PARD3: variants seen among roughly 807,000 people sequenced by gnomAD.
The protein encoded by PARD3 is par-3 family cell polarity regulator, also known as partitioning defective 3 homolog.
In PARD3, 75 loss-of-function variants were observed where a neutral mutation model predicts 155.4. That is an observed-to-expected ratio of 0.48 (90% CI 0.40 to 0.58). PARD3 has a LOEUF of 0.58. PARD3 is among the 20% of genes least tolerant of loss of function. The pLI, the probability that PARD3 is intolerant of heterozygous loss-of-function variation, is 0.00. For synonymous variants in PARD3, 576 were observed against 610.5 expected (o/e 0.94, Z 0.83); for missense variants, 1,642 against 1,721.7 (o/e 0.95, Z 0.82).
At chr10:34,566,509 G>A (rs1479157632) in intron 2 of PARD3, among the ~76,000 whole-genome samples, 2 of 152,178 alleles carry the variant, frequency 1.3e-5, no homozygotes, top group Non-Finnish European at 2.9e-5. Context: ...CATTATCCCG[G>A]AAATGCAGCC....
At chr10:34,451,297 A>G (rs1296839148) in intron 4 of PARD3, among the ~76,000 whole-genome samples, 2 of 152,186 alleles carry the variant, frequency 1.3e-5, no homozygotes, top group Non-Finnish European at 2.9e-5. Flanking sequence ...CGAAATCTAA[A>G]TCATCTCCTA....
At chr10:34,296,044 G>A (rs1956893460) in intron 20 of PARD3, among the ~76,000 whole-genome samples, 1 of 152,096 alleles carries the variant, frequency 6.6e-6, no homozygotes, top group Admixed American at 6.5e-5. Flanking sequence ...AGCTGGGTTG[G>A]GCAGGGAAGG....
Position 34,744,533 on chromosome 10 carries a change from A to G in PARD3, c.121-48114T>C, listed in dbSNP as rs538798471. On this transcript the variant is annotated intron_variant, in intron 1 of 24. Coordinates refer to ENST00000374788, the MANE Select transcript of PARD3 (RefSeq NM_001184785.2). Reference sequence around the variant, plus strand: ...TAATGCCCAGCAACTAAGTGAGCATAAACAGGCATCGCTTACCAGCGTTTC... The same window carrying G: ...TAATGCCCAGCAACTAAGTGAGCATGAACAGGCATCGCTTACCAGCGTTTC... 7.9e-5 allele frequency among the ~76,000 whole-genome samples: 12 copies of G among 152,372 alleles called. No individual in the cohort carries two copies. In the East Asian group the frequency reaches 2.3e-3, roughly 29 times the overall value.
intron 22 of PARD3, among the ~76,000 whole-genome samples, chr10:34,191,353 TGTAGTCTGTGCTATAA>T (rs1950698495): frequency 6.6e-6 from 1 of 152,028 alleles, no homozygotes. Flanking sequence ...GGCAGCTAGA[TGTAGTCTGTGCTATAA>T]GTAGAGGAAT....
chr10:34,546,677 G>A lies in PARD3; in HGVS notation c.223-29518C>T, dbSNP rs1325584684. Among the ~76,000 whole-genome samples, 4 of 152,066 alleles carry A rather than the reference G, an allele frequency of 2.6e-5. No individual in the cohort carries two copies. In the East Asian group the frequency reaches 7.7e-4, roughly 29 times the overall value. ...ACAAAGAAAAAAAAAGCACTTTGCA[G>A]ATCATAGCAATTACCAATATCCACC... On this transcript the variant is annotated intron_variant, in intron 2 of 24. Transcript: ENST00000374788.
intron 2 of PARD3, among the ~76,000 whole-genome samples, chr10:34,600,747 G>A (rs1221940557): frequency 1.3e-5 from 2 of 152,074 alleles, no homozygotes; most frequent in Non-Finnish European, 2.9e-5. Flanking sequence ...TTTTATTCAT[G>A]TAAGTTCTAA....
chr10:34,705,837 C>T (rs896367474), intron 1 of PARD3, among the ~76,000 whole-genome samples: 8 of 152,176 alleles, frequency 5.3e-5, no homozygotes, highest in Non-Finnish European at 1.0e-4. Context: ...TTTATCTCAT[C>T]AATCAAAAGT....
intron 3 of PARD3, among the ~76,000 whole-genome samples, chr10:34,512,322 T>G (rs534685491): frequency 1.3e-5 from 2 of 152,340 alleles, no homozygotes; most frequent in African/African-American, 2.4e-5. Flanking sequence ...TCTCCTTGCT[T>G]GCTGGCTTCT....
chr10:34,422,382 T>C (rs550411244), intron 5 of PARD3, among the ~76,000 whole-genome samples: 11 of 152,152 alleles, frequency 7.2e-5, no homozygotes, highest in African/African-American at 2.4e-4. Context: ...TTGTCAGATA[T>C]GAACCCAAAG....
At chr10:34,156,406 A>T (rs989263456) in intron 22 of PARD3, among the ~76,000 whole-genome samples, 1 of 152,258 alleles carries the variant, frequency 6.6e-6, no homozygotes, top group African/African-American at 2.4e-5. Flanking sequence ...CATGAATCTC[A>T]TATTTTTATA....
chr10:34,344,594 T>A, intron 15 of PARD3: 6 of 985,308 alleles, frequency 6.1e-6, no homozygotes, highest in Non-Finnish European at 7.2e-6. Context: ...ATTGTTGCTG[T>A]TTTTTATTGT....
chr10:34,115,013 C>T (rs1193773944), intron 24 of PARD3, among the ~76,000 whole-genome samples: 1 of 152,178 alleles, frequency 6.6e-6, no homozygotes, highest in Non-Finnish European at 1.5e-5. Flanking sequence ...AAGATTACAA[C>T]CACCTCCAAC....
intron 2 of PARD3, among the ~76,000 whole-genome samples, chr10:34,683,465 AAG>A (rs1271246085): frequency 4.0e-5 from 6 of 151,190 alleles, no homozygotes; most frequent in African/African-American, 1.5e-4. Context: ...AAAATGAGGT[AAG>A]AGAAGTCAAG....
At chr10:34,765,137 T>C (rs1474940649) in intron 1 of PARD3, among the ~76,000 whole-genome samples, 1 of 152,114 alleles carries the variant, frequency 6.6e-6, no homozygotes, top group Non-Finnish European at 1.5e-5. Context: ...AAAGATACAG[T>C]TCAAATTCAA....
intron 2 of PARD3, among the ~76,000 whole-genome samples, chr10:34,548,901 G>A (rs1001947260): frequency 6.6e-6 from 1 of 152,160 alleles, no homozygotes; most frequent in African/African-American, 2.4e-5. Context: ...TCAACTACTT[G>A]GACAGGAATA....
chr10:34,590,258 C>T (rs1354852570), intron 2 of PARD3, among the ~76,000 whole-genome samples: 3 of 152,178 alleles, frequency 2.0e-5, no homozygotes, highest in African/African-American at 7.2e-5. Flanking sequence ...GATGCCCTGC[C>T]GGCCAGCCCA....
rs140455165 is a variant in PARD3 at position 34,611,533 on chromosome 10, A to G, written c.222+84785T>C. 7.9e-5 allele frequency among the ~76,000 whole-genome samples: 12 copies of G among 152,318 alleles called. No individual in the cohort carries two copies. In the East Asian group the frequency reaches 2.1e-3, roughly 27 times the overall value. Reference sequence around the variant, plus strand: ...TCTGATGCCTTTTAAATTTAATTTCAAATATGACCAGAAAAATTAACTTGA... The same window carrying G: ...TCTGATGCCTTTTAAATTTAATTTCGAATATGACCAGAAAAATTAACTTGA... On this transcript the variant is annotated intron_variant, in intron 2 of 24. Transcript: ENST00000374788.
chr10:34,494,168 C>T (rs923950516), intron 3 of PARD3, among the ~76,000 whole-genome samples: 2 of 152,186 alleles, frequency 1.3e-5, no homozygotes, highest in African/African-American at 4.8e-5. Context: ...TCTATGGAAT[C>T]CGGAAACACC....
intron 3 of PARD3, among the ~76,000 whole-genome samples, chr10:34,512,343 T>C (rs568156239): frequency 1.3e-5 from 2 of 152,330 alleles, no homozygotes; most frequent in East Asian, 3.9e-4. Flanking sequence ...TTATTATCAT[T>C]ATACACTCAT....
Sources: allele counts gnomAD v4.1 joint callset (sites outside exome capture counted in the v4.1 genomes callset), GRCh38; gene constraint gnomAD v4.1.1; transcripts MANE v1.5; gene names NCBI Gene and HGNC (gene_info 2026-07-23, HGNC 2026-07-21).